The following GALNT13 variants were observed in gnomAD, a reference collection of about 807,000 sequenced individuals.
The protein encoded by GALNT13 is polypeptide N-acetylgalactosaminyltransferase 13, also known as UDP-GalNAc:polypeptide N-acetylgalactosaminyltransferase 13.
Under a neutral mutation model 64.2 loss-of-function variants are expected in GALNT13, and 28 were observed. The ratio of observed to expected loss-of-function variants is 0.44; its 90% CI spans 0.32 to 0.60. GALNT13 has a LOEUF of 0.60. Among genes scored for constraint, GALNT13 ranks in the 20% least tolerant of loss-of-function variants. The pLI is 0.05. For missense variants in GALNT13, 577 were observed against 669.8 expected (o/e 0.86, Z 1.53); for synonymous variants, 214 against 224.6 (o/e 0.95, Z 0.42).
intron 3 of GALNT13, among the ~76,000 whole-genome samples, chr2:154,008,735 C>T (rs1164813075): frequency 6.6e-6 from 1 of 152,128 alleles, no homozygotes; most frequent in African/African-American, 2.4e-5. Flanking sequence ...CCTCTAGTTC[C>T]ATCCATGTTG....
At chr2:153,236,430 C>T in the GALNT13 span, among the ~76,000 whole-genome samples, 1 of 152,088 alleles carries the variant, frequency 6.6e-6, no homozygotes, top group Admixed American at 6.5e-5. Flanking sequence ...GGCTTCAAAG[C>T]TTTAAAGGAC....
intron 1 of GALNT13, among the ~76,000 whole-genome samples, chr2:153,887,488 A>G (rs1687262052): frequency 6.6e-6 from 1 of 151,772 alleles, no homozygotes; most frequent in Non-Finnish European, 1.5e-5. Context: ...AAGTAGAAAC[A>G]GTAAAACTGT....
chr2:153,879,538 A>T (rs1315098905), intron 1 of GALNT13, among the ~76,000 whole-genome samples: 3 of 146,332 alleles, frequency 2.1e-5, no homozygotes, highest in South Asian at 2.2e-4. Context: ...CTAATTTTTA[A>T]TTTTTTTTTT....
chr2:153,973,900 G>A (rs1693907061), intron 3 of GALNT13, among the ~76,000 whole-genome samples: 2 of 151,998 alleles, frequency 1.3e-5, no homozygotes, highest in Admixed American at 6.6e-5. Context: ...GTCTGTTGAT[G>A]ATGGCTATGA....
the GALNT13 span, among the ~76,000 whole-genome samples, chr2:153,598,514 A>G: frequency 6.6e-6 from 1 of 151,970 alleles, no homozygotes; most frequent in Non-Finnish European, 1.5e-5. Flanking sequence ...ATGATGCTAA[A>G]TGTTCTATTT....
At chr2:153,832,241 A>G in the GALNT13 span, among the ~76,000 whole-genome samples, 1 of 152,216 alleles carries the variant, frequency 6.6e-6, no homozygotes, top group Admixed American at 6.5e-5. Context: ...GACAAGGAAG[A>G]TCACAGCAGA....
At chr2:153,533,037 T>C in the GALNT13 span, among the ~76,000 whole-genome samples, 4 of 152,228 alleles carry the variant, frequency 2.6e-5, no homozygotes. Flanking sequence ...TTATTGATTT[T>C]TGTGGGTATT....
the GALNT13 span, among the ~76,000 whole-genome samples, chr2:153,846,569 C>G: frequency 6.6e-6 from 1 of 152,032 alleles, no homozygotes; most frequent in African/African-American, 2.4e-5. Flanking sequence ...TGTAAATGCT[C>G]TAACAAATAT....
chr2:154,020,358 C>A (rs201258593), intron 3 of GALNT13, among the ~76,000 whole-genome samples: 3 of 152,060 alleles, frequency 2.0e-5, no homozygotes, highest in African/African-American at 4.8e-5. Flanking sequence ...CTCTCCAGCA[C>A]CTGTTGTTTC....
chr2:153,310,713 T>G, the GALNT13 span, among the ~76,000 whole-genome samples: 25 of 152,308 alleles, frequency 1.6e-4, no homozygotes, highest in African/African-American at 6.0e-4. Context: ...TATAGCCTAC[T>G]GCTATACTGA....
chr2:153,309,217 C>G, the GALNT13 span, among the ~76,000 whole-genome samples: 1 of 152,044 alleles, frequency 6.6e-6, no homozygotes, highest in African/African-American at 2.4e-5. Context: ...ACCCCAAAAC[C>G]AAAACCTCTT....
chr2:154,182,233 A>G (rs906316380), intron 4 of GALNT13, among the ~76,000 whole-genome samples: 1 of 152,206 alleles, frequency 6.6e-6, no homozygotes, highest in Non-Finnish European at 1.5e-5. Context: ...CTGACTCCCA[A>G]AGATATGTTA....
intron 11 of GALNT13, among the ~76,000 whole-genome samples, chr2:154,430,447 T>C (rs1700660691): frequency 6.6e-6 from 1 of 152,156 alleles, no homozygotes; most frequent in African/African-American, 2.4e-5. Flanking sequence ...GAAGACGTCA[T>C]TGAATTTCTG....
chr2:153,346,899 A>G, the GALNT13 span, among the ~76,000 whole-genome samples: 1 of 152,206 alleles, frequency 6.6e-6, no homozygotes, highest in Non-Finnish European at 1.5e-5. Context: ...AGGCTTATAA[A>G]TATTTCATAA....
the GALNT13 span, among the ~76,000 whole-genome samples, chr2:153,709,775 G>GT: frequency 6.6e-6 from 1 of 151,322 alleles, no homozygotes; most frequent in Non-Finnish European, 1.5e-5. Flanking sequence ...AGAAAATGTG[G>GT]TATATATATA....
At chr2:153,298,362 A>C in the GALNT13 span, among the ~76,000 whole-genome samples, 1 of 152,144 alleles carries the variant, frequency 6.6e-6, no homozygotes, top group African/African-American at 2.4e-5. Flanking sequence ...AGATCACATG[A>C]CACCTCCTGC....
chr2:154,311,004 A>ATATTCTAAGAATATATATTCT (rs1694006696), intron 9 of GALNT13, among the ~76,000 whole-genome samples: 1 of 132,288 alleles, frequency 7.6e-6, no homozygotes, highest in African/African-American at 3.2e-5. Flanking sequence ...ATATATATGA[A>ATATTCTAAGAATATATATTCT]TGACAACACA....
chr2:154,242,234 G>T (rs765290061), intron 5 of GALNT13, 38 bp downstream of exon 5: 3 of 1,545,760 alleles, frequency 1.9e-6, no homozygotes, highest in East Asian at 4.6e-5. Flanking sequence ...TTGTTTTTTT[G>T]TTTTGTTTTG....
chr2:153,170,335 C>G, the GALNT13 span, among the ~76,000 whole-genome samples: 1 of 151,606 alleles, frequency 6.6e-6, no homozygotes, highest in Non-Finnish European at 1.5e-5. Context: ...AAATTTTATC[C>G]AAAGAAAGCC....
Sources: allele counts gnomAD v4.1 joint callset (sites outside exome capture counted in the v4.1 genomes callset), GRCh38; gene constraint gnomAD v4.1.1; transcripts MANE v1.5; gene names NCBI Gene and HGNC (gene_info 2026-07-23, HGNC 2026-07-21).